UBR1: variants seen among roughly 807,000 people sequenced by gnomAD.
UBR1 encodes the protein ubiquitin protein ligase E3 component n-recognin 1, also known as E3 ubiquitin-protein ligase UBR1.
Under a neutral mutation model 242.1 loss-of-function variants are expected in UBR1, and 102 were observed. That is an observed-to-expected ratio of 0.42 (90% CI 0.36 to 0.50). The LOEUF (loss-of-function observed/expected upper bound fraction) is 0.50. UBR1 is among the 20% of genes least tolerant of loss of function. UBR1 has a pLI of 0.01. For synonymous variants in UBR1, 675 were observed against 684.8 expected (o/e 0.99, Z 0.22); for missense variants, 1,772 against 2,101.8 (o/e 0.84, Z 3.07).
Position 43,054,869 on chromosome 15 carries a change from T to G in UBR1, c.1312A>C (p.Ile438Leu), listed in dbSNP as rs2033597900. The change falls in exon 12 of 47, where the codon ATC (isoleucine) becomes CTC (leucine). Residue 438 changes from isoleucine to leucine, a missense_variant. Physicochemically the swap from Ile to Leu is conservative, Grantham distance 5 (BLOSUM62 2). This residue lies in a region of UBR1 where 734 missense variants were observed against 893.3 expected (regional missense o/e 0.82). Transcript: ENST00000290650. ...AGCAGAGTTTCAGTAATGACAGAGATAACATTCTGCTCTTCAATAAGATGT... is the reference window on the plus strand; with the variant it reads ...AGCAGAGTTTCAGTAATGACAGAGAGAACATTCTGCTCTTCAATAAGATGT... ...ARHLIEEQNV[I>L]SVITETLLEV... The G allele has an allele frequency of 5.0e-6, 8 of 1,614,178 alleles. No homozygotes were observed. The highest frequency in any genetic ancestry group is 5.9e-6 in the Non-Finnish European group (7 of 1,180,016).
intron 17 of UBR1, among the ~76,000 whole-genome samples, chr15:43,037,206 G>A (rs1328302869): frequency 1.3e-5 from 2 of 151,472 alleles, no homozygotes; most frequent in African/African-American, 4.9e-5. Context: ...AAATTAGCCG[G>A]GCATAGTGGT....
intron 30 of UBR1, among the ~76,000 whole-genome samples, chr15:43,005,065 C>T (rs1299939867): frequency 6.6e-6 from 1 of 151,710 alleles, no homozygotes; most frequent in Non-Finnish European, 1.5e-5. Flanking sequence ...CTCTGCCCGA[C>T]CGCCACCCCA....
intron 39 of UBR1, 43 bp downstream of exon 39, chr15:42,976,674 G>A (rs1461779027): frequency 7.4e-6 from 12 of 1,610,884 alleles, no homozygotes; most frequent in Middle Eastern, 3.3e-4. Flanking sequence ...AGTAAAGCAT[G>A]GCAAAATGTT....
intron 44 of UBR1, among the ~76,000 whole-genome samples, chr15:42,955,542 C>T (rs1178984468): frequency 6.6e-6 from 1 of 152,214 alleles, no homozygotes; most frequent in African/African-American, 2.4e-5. Flanking sequence ...CAAGTTACTA[C>T]TTGTTACATG....
At chr15:43,001,437 G>A (rs1448289368) in intron 32 of UBR1, among the ~76,000 whole-genome samples, 1 of 152,220 alleles carries the variant, frequency 6.6e-6, no homozygotes, top group Non-Finnish European at 1.5e-5. Context: ...GTAAGCCATG[G>A]CGTCCCGCCA....
chr15:42,970,729 T>A, intron 39 of UBR1, 122 bp from the exon 40 acceptor site: 1 of 873,394 alleles, frequency 1.1e-6, no homozygotes, highest in Non-Finnish European at 1.8e-6. Flanking sequence ...TTCTTTCCTT[T>A]TTTTTTTTTT....
At chr15:43,094,574 G>A (rs1487842393) in intron 1 of UBR1, among the ~76,000 whole-genome samples, 1 of 150,832 alleles carries the variant, frequency 6.6e-6, no homozygotes, top group African/African-American at 2.4e-5. Flanking sequence ...GCTCCTGCAA[G>A]CAAAGCATTC....
At chr15:42,989,081 C>T (rs996980086) in intron 34 of UBR1, 114 bp from the exon 35 acceptor site, 9 of 881,774 alleles carry the variant, frequency 1.0e-5, no homozygotes, top group Non-Finnish European at 1.6e-5. Flanking sequence ...CATAAGTAAA[C>T]TGCTCTTTGC....
At chr15:42,996,565 G>A (rs943855628) in intron 33 of UBR1, among the ~76,000 whole-genome samples, 7 of 152,064 alleles carry the variant, frequency 4.6e-5, no homozygotes, top group Non-Finnish European at 1.0e-4. Flanking sequence ...CCTGGGTGAT[G>A]AGCGAGACCT....
Position 43,075,003 on chromosome 15 carries a change from AG to A in UBR1, c.503del (p.Pro168LeufsTer7). 2 of 1,613,920 alleles carry A rather than the reference AG, an allele frequency of 1.2e-6. No individual in the cohort carries two copies. The highest frequency in any genetic ancestry group is 1.7e-6 in the Non-Finnish European group (2 of 1,179,796). Reference protein sequence around the residue: ...KTGPFCVNHEPGRAGTIKENS... With the variant: ...KTGPFCVNHEXGRAGTIKENS... ...CCTCTTTTATAGTACCTGCTCTTCCAGGTTCATGATTTACACAAAAAGGGCC... is the reference window on the plus strand; with the variant it reads ...CCTCTTTTATAGTACCTGCTCTTCCAGTTCATGATTTACACAAAAAGGGCC... On this transcript the variant is annotated frameshift_variant, in exon 4 of 47. Coordinates refer to ENST00000290650, the MANE Select transcript of UBR1 (RefSeq NM_174916.3). LOFTEE classifies it high-confidence loss of function.
chr15:43,053,704 C>A (rs2033582587), intron 12 of UBR1, among the ~76,000 whole-genome samples: 1 of 151,266 alleles, frequency 6.6e-6, no homozygotes, highest in African/African-American at 2.4e-5. Flanking sequence ...GTGATCCTCT[C>A]GCCTCTGCAT....
chr15:43,094,940 C>T (rs995328487), intron 1 of UBR1, among the ~76,000 whole-genome samples: 1 of 152,006 alleles, frequency 6.6e-6, no homozygotes, highest in Non-Finnish European at 1.5e-5. Flanking sequence ...ACATTTTGTC[C>T]CTCCTAAGGG....
At chr15:43,028,764 C>T (rs1164553864) in intron 21 of UBR1, among the ~76,000 whole-genome samples, 3 of 146,466 alleles carry the variant, frequency 2.0e-5, no homozygotes, top group Non-Finnish European at 4.5e-5. Context: ...AAAAAACAAA[C>T]AAACAACAAC....
chr15:43,041,191 C>G (rs2033412923), intron 15 of UBR1, among the ~76,000 whole-genome samples: 1 of 152,148 alleles, frequency 6.6e-6, no homozygotes, highest in Admixed American at 6.5e-5. Context: ...TTGGAACCAA[C>G]CCAAATGTCC....
chr15:43,070,745 A>T (rs762567606), intron 5 of UBR1, 50 bp downstream of exon 5: 19 of 1,607,590 alleles, frequency 1.2e-5, no homozygotes, highest in Non-Finnish European at 1.5e-5. Context: ...CACATTTTGC[A>T]ATACAAATAA....
At position 42,943,906 on chromosome 15, in the gene UBR1, CCCT is replaced by C; in HGVS notation, c.*1420_*1422del. On this transcript the variant is annotated 3_prime_UTR_variant, in exon 47 of 47. Transcript: ENST00000290650. ...GATTCTGACGCCTGCTCATGCCAAT[CCCT>C]TACTGCAAAATCCACTTTTCTTTAC... is the stretch of plus-strand genomic sequence containing the variant. The C allele has an allele frequency of 6.6e-6, 1 of 152,560 alleles. No homozygotes were observed. The highest frequency in any genetic ancestry group is 2.1e-4 in the South Asian group (1 of 4,828). 9.5% of individuals were successfully genotyped at this position (152,560 alleles called of 1,614,324 possible).
intron 30 of UBR1, 142 bp downstream of exon 30, chr15:43,006,937 G>T (rs1033280570): frequency 2.5e-6 from 2 of 801,170 alleles, no homozygotes; most frequent in Non-Finnish European, 2.0e-6. Flanking sequence ...AATATTCCTG[G>T]ATTATTATTA....
chr15:43,065,790 T>G (rs1467510460), intron 6 of UBR1, among the ~76,000 whole-genome samples: 1 of 152,202 alleles, frequency 6.6e-6, no homozygotes, highest in Non-Finnish European at 1.5e-5. Flanking sequence ...TGTCTGTTCA[T>G]GTCTTTTGCC....
chr15:42,961,756 T>A (rs1001827595), intron 42 of UBR1, among the ~76,000 whole-genome samples: 15 of 151,180 alleles, frequency 9.9e-5, no homozygotes, highest in African/African-American at 3.6e-4. Flanking sequence ...TCTATACTTA[T>A]CTTTTTTTTT....
Sources: gnomAD v4.1 joint callset for allele counts (sites outside exome capture counted in the v4.1 genomes callset) on GRCh38, gnomAD v4.1.1 for gene constraint, gnomAD v4.1.1 regional missense constraint, MANE v1.5 for transcripts, NCBI Gene and HGNC (gene_info 2026-07-23, HGNC 2026-07-21) for gene names.